RGPD2: variants seen among roughly 807,000 people sequenced by gnomAD.
RGPD2 encodes RANBP2 like and GRIP domain containing 2.
Under a neutral mutation model 36.0 loss-of-function variants are expected in RGPD2, and 2 were observed. The observed-to-expected ratio is 0.06, with a 90% CI of 0.02 to 0.17. The LOEUF (loss-of-function observed/expected upper bound fraction) is 0.17. Among genes scored for constraint, RGPD2 ranks in the 10% least tolerant of loss-of-function variants. The probability of loss-of-function intolerance (pLI) is 1.00; values close to 1 mark genes in which losing one functional copy is unlikely to be tolerated. For synonymous variants in RGPD2, 19 were observed against 163.8 expected (o/e 0.12, Z 6.75); for missense variants, 40 against 464.3 (o/e 0.09, Z 8.40).
chr2:87,971,486 T>TAAATATA, the RGPD2 span, among the ~76,000 whole-genome samples: 1 of 132,152 alleles, frequency 7.6e-6, no homozygotes, highest in Non-Finnish European at 1.6e-5. Flanking sequence ...GAATATATTA[T>TAAATATA]TATCTTCTCT....
chr2:87,830,925 G>C, the RGPD2 span, among the ~76,000 whole-genome samples: 1 of 152,028 alleles, frequency 6.6e-6, no homozygotes, highest in Admixed American at 6.6e-5. Context: ...GAATTGGAGT[G>C]GGACACCGTC....
At chr2:87,957,507 A>G in the RGPD2 span, among the ~76,000 whole-genome samples, 3 of 152,224 alleles carry the variant, frequency 2.0e-5, no homozygotes, top group African/African-American at 7.2e-5. Flanking sequence ...CCTGGTTCAT[A>G]GATGGCAGTT....
At chr2:87,760,779 C>T (rs1461286969) in intron 22 of RGPD2, among the ~76,000 whole-genome samples, 15 of 55,584 alleles carry the variant, frequency 2.7e-4, no homozygotes, top group Non-Finnish European at 4.8e-4. Context: ...CACCACGCCC[C>T]GCTAATTTTT....
At chr2:87,813,408 T>TC (rs1241690886) in intron 4 of RGPD2, among the ~76,000 whole-genome samples, 1 of 147,524 alleles carries the variant, frequency 6.8e-6, no homozygotes. Flanking sequence ...ACTTCACACC[T>TC]CCTCCTATTT....
chr2:87,876,071 T>C, the RGPD2 span, among the ~76,000 whole-genome samples: 1 of 151,956 alleles, frequency 6.6e-6, no homozygotes, highest in South Asian at 2.1e-4. Flanking sequence ...TTATCATTTC[T>C]GATTGTGTAT....
chr2:87,943,386 C>A, the RGPD2 span, among the ~76,000 whole-genome samples: 1 of 151,380 alleles, frequency 6.6e-6, no homozygotes, highest in Admixed American at 6.6e-5. Flanking sequence ...TACCTTTGGC[C>A]ACTTGTATTT....
the RGPD2 span, among the ~76,000 whole-genome samples, chr2:87,986,066 A>G: frequency 5.3e-5 from 8 of 151,696 alleles, no homozygotes; most frequent in Admixed American, 4.6e-4. Flanking sequence ...TGCAAGCATT[A>G]CCTAACCCAT....
upstream of RGPD2, among the ~76,000 whole-genome samples, chr2:87,830,590 T>C (rs959785625): frequency 7.2e-5 from 11 of 152,186 alleles, no homozygotes; most frequent in African/African-American, 2.7e-4. Context: ...CAATTGACTG[T>C]ATTAGCTCAT....
At chr2:87,818,020 TAAAA>T (rs1175812254) in intron 2 of RGPD2, among the ~76,000 whole-genome samples, 5 of 65,346 alleles carry the variant, frequency 7.7e-5, no homozygotes, top group African/African-American at 2.4e-4. Context: ...AGATACTGAC[TAAAA>T]AAAAAAAAAA....
the RGPD2 span, among the ~76,000 whole-genome samples, chr2:87,914,794 A>C: frequency 6.7e-6 from 1 of 149,732 alleles, no homozygotes; most frequent in Non-Finnish European, 1.5e-5. Context: ...TTTTTGATTG[A>C]AACTAGATTG....
At chr2:87,984,774 C>G in the RGPD2 span, among the ~76,000 whole-genome samples, 5 of 150,562 alleles carry the variant, frequency 3.3e-5, no homozygotes, top group Non-Finnish European at 1.5e-5. Context: ...ACTAAAAATA[C>G]AAAAAATTAG....
chr2:87,847,964 C>CCA, the RGPD2 span, among the ~76,000 whole-genome samples: 1 of 142,706 alleles, frequency 7.0e-6, no homozygotes. Flanking sequence ...CTCTAAAAGT[C>CCA]CACAGTGTCT....
chr2:87,978,911 C>T, the RGPD2 span, among the ~76,000 whole-genome samples: 4 of 135,894 alleles, frequency 2.9e-5, no homozygotes, highest in Admixed American at 7.3e-5. Flanking sequence ...AGTGACACCC[C>T]GTCTCTTAAA....
the RGPD2 span, chr2:87,985,772 C>G: frequency 6.2e-7 from 1 of 1,610,634 alleles, no homozygotes; most frequent in Non-Finnish European, 8.5e-7. Context: ...CCATCACGTT[C>G]ATGAGACAAG....
chr2:87,762,059 CTTTT>C lies in RGPD2; in HGVS notation c.5237-4637_5237-4634del, dbSNP rs1420987827. Reference sequence around the variant, plus strand: ...CAGAGTTTACAAACGCCAATTTAAACTTTTGTTTTGTCATACGCAATGATTTTAT... The same window carrying C: ...CAGAGTTTACAAACGCCAATTTAAACGTTTTGTCATACGCAATGATTTTAT... On this transcript the variant is annotated intron_variant, in intron 22 of 22. Transcript: ENST00000398146. Among the ~76,000 whole-genome samples the C allele has an allele frequency of 2.7e-5, 4 of 150,506 alleles. No individual in the cohort carries two copies. In the East Asian group the frequency reaches 7.9e-4, roughly 30 times the overall value.
At chr2:87,911,263 G>A in the RGPD2 span, among the ~76,000 whole-genome samples, 1 of 139,692 alleles carries the variant, frequency 7.2e-6, no homozygotes, top group Non-Finnish European at 1.6e-5. Flanking sequence ...TTTTTTTTCA[G>A]AGCCTGTGTT....
chr2:87,905,102 G>T, the RGPD2 span, among the ~76,000 whole-genome samples: 4 of 152,046 alleles, frequency 2.6e-5, no homozygotes, highest in African/African-American at 7.2e-5. Flanking sequence ...TGGGACTGAT[G>T]AAAAGAAGCC....
the RGPD2 span, among the ~76,000 whole-genome samples, chr2:87,924,471 C>T: frequency 8.6e-5 from 13 of 151,942 alleles, no homozygotes; most frequent in African/African-American, 3.1e-4. Context: ...GACTTGGCTG[C>T]TGCAGCTGGG....
chr2:87,822,076 A>G (rs1225566215), intron 1 of RGPD2, among the ~76,000 whole-genome samples: 1 of 152,190 alleles, frequency 6.6e-6, no homozygotes, highest in Non-Finnish European at 1.5e-5. Flanking sequence ...GTTCTCAACA[A>G]ACCCATCTGA....
Sources: gnomAD v4.1 joint callset for allele counts (sites outside exome capture counted in the v4.1 genomes callset) on GRCh38, gnomAD v4.1.1 for gene constraint, MANE v1.5 for transcripts, NCBI Gene and HGNC (gene_info 2026-07-23, HGNC 2026-07-21) for gene names.